Variants in PPP2CA observed in about 807,000 individuals in gnomAD.
PPP2CA encodes serine/threonine-protein phosphatase 2A catalytic subunit alpha isoform.
In PPP2CA, 5 loss-of-function variants were observed where a neutral mutation model predicts 38.8. The observed-to-expected ratio is 0.13, with a 90% CI of 0.07 to 0.27. The LOEUF (loss-of-function observed/expected upper bound fraction) is 0.27. Among genes scored for constraint, PPP2CA ranks in the 10% least tolerant of loss-of-function variants. PPP2CA has a pLI of 1.00. For synonymous variants in PPP2CA, 152 were observed against 134.0 expected, an observed-to-expected ratio of 1.13 and a Z score of -0.93; for missense variants, 88 against 389.7, an observed-to-expected ratio of 0.23 and a Z score of 6.52.
At position 134,195,143 on chromosome 5, in the gene PPP2CA, A is replaced by C. The variant is rs942931865; in HGVS notation, c.*2629T>G. The C allele has an allele frequency of 6.6e-6, 1 of 152,218 alleles. No individual in the cohort carries two copies. Among genetic ancestry groups the C allele is most frequent in the East Asian group, 1.9e-4 (1 of 5,198 alleles). 9.4% of individuals were successfully genotyped at this position (152,218 alleles called of 1,614,324 possible). A position where few individuals can be genotyped will look rare whatever the true frequency, so the allele number is the denominator to read the frequency against. On this transcript the variant is annotated 3_prime_UTR_variant, in exon 7 of 7. Transcript: ENST00000481195. ...TGTTTAATATGCAGCAAATGAAAAA[A>C]TCATGTCTAGGATACTCAACCCAAG...
chr5:134,204,124 A>G (rs1040767365), intron 2 of PPP2CA, among the ~76,000 whole-genome samples: 1 of 152,240 alleles, frequency 6.6e-6, no homozygotes, highest in Non-Finnish European at 1.5e-5. Flanking sequence ...CACAATTCAG[A>G]TATTAATCAA....
intron 1 of PPP2CA, chr5:134,225,379 TACTC>T (rs758124532): frequency 1.5e-4 from 31 of 201,556 alleles, no homozygotes; most frequent in East Asian, 3.2e-4. Flanking sequence ...GCAAGACTCT[TACTC>T]AGCCCACCGG....
intron 6 of PPP2CA, 62 bp downstream of exon 6, chr5:134,199,024 T>C: frequency 1.5e-6 from 2 of 1,358,978 alleles, no homozygotes; most frequent in Non-Finnish European, 2.1e-6. Context: ...TCTCTCAAAA[T>C]AAATAAACCA....
In PPP2CA at chr5:134,197,778, G is replaced by A; in HGVS notation, c.924C>T (p.Phe308=). 6.2e-7 allele frequency: 1 copy of A among 1,613,562 alleles called. No homozygotes were observed. The highest frequency in any genetic ancestry group is 1.3e-5 in the African/African-American group (1 of 75,018). Residue 308 remains phenylalanine (F), a synonymous_variant, in exon 7 of 7, where the codon TTC becomes TTT. Transcript: ENST00000481195. ...GTACAAGTTTAAAATTTCATTACAG[G>A]AAGTAGTCTGGGGTACGACGAGTAA... is the stretch of plus-strand genomic sequence containing the variant. ...PHVTRRTPDY[F]L is the part of the protein sequence containing the mutation.
chr5:134,211,148 C>T (rs1299627472), intron 1 of PPP2CA, among the ~76,000 whole-genome samples: 5 of 151,506 alleles, frequency 3.3e-5, no homozygotes, highest in East Asian at 1.9e-4. Flanking sequence ...GGCTGCAGTG[C>T]GGCACCATCA....
chr5:134,223,869 AAT>A (rs771393056), intron 1 of PPP2CA, among the ~76,000 whole-genome samples: 43 of 152,252 alleles, frequency 2.8e-4, no homozygotes, highest in Non-Finnish European at 5.7e-4. Context: ...TTAGATATTC[AAT>A]AGATGTTCAA....
intron 1 of PPP2CA, among the ~76,000 whole-genome samples, chr5:134,215,667 G>A (rs543260597): frequency 2.9e-4 from 44 of 152,232 alleles, no homozygotes; most frequent in Admixed American, 2.6e-4. Flanking sequence ...TTGAACTCCC[G>A]GGCTCAAGAT....
In PPP2CA at chr5:134,197,302, A is replaced by T. The variant is rs1437512636; in HGVS notation, c.*470T>A. On this transcript the variant is annotated 3_prime_UTR_variant, in exon 7 of 7. Transcript: ENST00000481195. ...AAATTAAACGGTATCCCTGAAAATAAAAAGAACAATTTCAAAACTCACAAG... is the reference window on the plus strand; with the variant it reads ...AAATTAAACGGTATCCCTGAAAATATAAAGAACAATTTCAAAACTCACAAG... 6.5e-6 allele frequency: 1 copy of T among 155,026 alleles called. No homozygotes were observed. The highest frequency in any genetic ancestry group is 2.4e-5 in the African/African-American group (1 of 41,490). 9.6% of individuals were successfully genotyped at this position (155,026 alleles called of 1,614,324 possible).
intron 2 of PPP2CA, among the ~76,000 whole-genome samples, chr5:134,204,460 C>G (rs957650085): frequency 6.6e-6 from 1 of 152,118 alleles, no homozygotes; most frequent in African/African-American, 2.4e-5. Context: ...TTCTACCATT[C>G]TAGATTTTTG....
At chr5:134,217,167 C>T (rs1762338945) in intron 1 of PPP2CA, among the ~76,000 whole-genome samples, 1 of 152,116 alleles carries the variant, frequency 6.6e-6, no homozygotes, top group African/African-American at 2.4e-5. Context: ...GTAATCCCAG[C>T]TACCCGGGAG....
At chr5:134,206,271 A>G (rs1395652934) in intron 1 of PPP2CA, 140 bp from the exon 2 acceptor site, 3 of 691,496 alleles carry the variant, frequency 4.3e-6, no homozygotes, top group African/African-American at 1.8e-5. Context: ...ACCCATTAAA[A>G]TAAGTGAGAT....
chr5:134,223,387 A>C (rs1408340330), intron 1 of PPP2CA, among the ~76,000 whole-genome samples: 1 of 152,220 alleles, frequency 6.6e-6, no homozygotes, highest in African/African-American at 2.4e-5. Flanking sequence ...ATACCCAAAA[A>C]ACTGTCTTCA....
In PPP2CA at chr5:134,201,009, A is replaced by T; in HGVS notation, c.552T>A (p.Asp184Glu). The T allele has an allele frequency of 6.2e-7, 1 of 1,612,142 alleles. No homozygotes were observed. The highest frequency in any genetic ancestry group is 1.1e-5 in the South Asian group (1 of 91,052). Residue 184 changes from aspartate (D) to glutamate (E), a missense_variant, in exon 4 of 7, where the codon GAT becomes GAA. Physicochemically the swap from Asp to Glu is conservative, Grantham distance 45. Coordinates refer to ENST00000481195, the MANE Select transcript of PPP2CA (RefSeq NM_002715.4). ...CCTCATGGGGAACTTCTTGTAGGCG[A>T]TCAAGTGCTCTGATATGATCCAGTG... Reference protein sequence around the residue: ...IDTLDHIRALDRLQEVPHEGP... With the variant: ...IDTLDHIRALERLQEVPHEGP...
intron 1 of PPP2CA, among the ~76,000 whole-genome samples, chr5:134,222,438 G>T (rs551488414): frequency 1.8e-4 from 28 of 152,008 alleles, no homozygotes; most frequent in Non-Finnish European, 3.7e-4. Context: ...CCATACTCAC[G>T]TAACAAATGT....
At chr5:134,224,461 C>T (rs973336811) in intron 1 of PPP2CA, 2 of 357,672 alleles carry the variant, frequency 5.6e-6, no homozygotes, top group African/African-American at 2.1e-5. Flanking sequence ...ACATATACGT[C>T]AAACTCATGA....
chr5:134,205,934 A>T lies in PPP2CA; in HGVS notation c.300T>A (p.Leu100=), dbSNP rs1762074586. ...AAATTGAAATTACCTTAAGAGCTAC[A>T]AGCAGTGTAACTGTTTCAACTGAAT... ...GYYSVETVTL[L]VALKVRYRER... is the part of the protein sequence containing the mutation. The change falls in exon 2 of 7, where the codon CTT becomes CTA. Residue 100 remains leucine (L), a synonymous_variant. Transcript: ENST00000481195. The T allele has an allele frequency of 6.2e-7, 1 of 1,613,352 alleles. No homozygotes were observed. The highest frequency in any genetic ancestry group is 1.1e-5 in the South Asian group (1 of 91,070).
At chr5:134,200,764 GACAGACA>G (rs1433712717) in intron 4 of PPP2CA, among the ~76,000 whole-genome samples, 1 of 152,186 alleles carries the variant, frequency 6.6e-6, no homozygotes, top group Non-Finnish European at 1.5e-5. Context: ...CAGAGTCTAA[GACAGACA>G]ACCCAGGTCC....
rs907289615 is a variant in PPP2CA, at chr5:134,195,250, C to T, written c.*2522G>A. ...TCTGCAAGCCCTCACTATACAAACT[C>T]AGAATCCTCTTTATTTTTGAGACAG... On this transcript the variant is annotated 3_prime_UTR_variant, in exon 7 of 7. Coordinates refer to ENST00000481195, the MANE Select transcript of PPP2CA (RefSeq NM_002715.4). 1 of 152,142 alleles carries T rather than the reference C, an allele frequency of 6.6e-6. No individual in the cohort carries two copies. Among genetic ancestry groups the T allele is most frequent in the Non-Finnish European group, 1.5e-5 (1 of 68,032 alleles). The allele number at this position is 152,142 out of a possible 1,614,324, so 9.4% of individuals were successfully genotyped here.
At chr5:134,218,235 T>C (rs990277398) in intron 1 of PPP2CA, among the ~76,000 whole-genome samples, 2 of 152,206 alleles carry the variant, frequency 1.3e-5, no homozygotes, top group African/African-American at 4.8e-5. Context: ...CAGGTAATAT[T>C]CTAGTAACTA....
Sources: allele counts gnomAD v4.1 joint callset (sites outside exome capture counted in the v4.1 genomes callset), GRCh38; gene constraint gnomAD v4.1.1; transcripts MANE v1.5; gene names NCBI Gene and HGNC (gene_info 2026-07-23, HGNC 2026-07-21).